Variants in RXFP2 observed in about 807,000 individuals in gnomAD.
The protein encoded by RXFP2 is relaxin family peptide receptor 2.
A neutral mutation model predicts 88.6 loss-of-function variants in RXFP2; 68 were observed. The ratio of observed to expected loss-of-function variants is 0.77; its 90% CI spans 0.63 to 0.94. The LOEUF (loss-of-function observed/expected upper bound fraction) is 0.94. Among genes scored for constraint, RXFP2 ranks in the 40% least tolerant of loss-of-function variants. The pLI is 0.00. For synonymous variants in RXFP2, 329 were observed against 306.8 expected, an observed-to-expected ratio of 1.07 and a Z score of -0.76; for missense variants, 791 against 893.9, an observed-to-expected ratio of 0.88 and a Z score of 1.47.
intron 16 of RXFP2, among the ~76,000 whole-genome samples, 173 bp from the exon 17 acceptor site, chr13:31,797,028 C>G (rs551400612): frequency 6.3e-4 from 96 of 152,318 alleles, no homozygotes; most frequent in African/African-American, 1.9e-3. Context: ...TGTGTTTAGA[C>G]TTGGGAACCA....
rs751719927 is a variant in RXFP2 at position 31,792,915 on chromosome 13, C to A, written c.1613C>A (p.Thr538Asn). 60 of 1,614,096 alleles carry A rather than the reference C, an allele frequency of 3.7e-5. No homozygotes were observed. The highest frequency in any genetic ancestry group is 4.5e-5 in the East Asian group (2 of 44,880). Residue 538 changes from threonine (T) to asparagine (N), a missense_variant, in exon 16 of 18, where the codon ACC becomes AAC. Coordinates refer to ENST00000298386, the MANE Select transcript of RXFP2 (RefSeq NM_130806.5). The stretch of plus-strand genomic sequence containing the variant: ...AACATTCGACCTGGAAAACGGCAGA[C>A]CTCAGTCATCCTCATTTGCATCTGG... ...FSNIRPGKRQ[T>N]SVILICIWMA...
intron 7 of RXFP2, among the ~76,000 whole-genome samples, chr13:31,776,886 C>T (rs1432679107): frequency 6.6e-6 from 1 of 152,192 alleles, no homozygotes; most frequent in African/African-American, 2.4e-5. Context: ...ACCCAGAAAG[C>T]TCCTTATGAA....
At chr13:31,793,402 T>C (rs1213851459) in intron 16 of RXFP2, among the ~76,000 whole-genome samples, 1 of 151,644 alleles carries the variant, frequency 6.6e-6, no homozygotes, top group Non-Finnish European at 1.5e-5. Flanking sequence ...TAGTGCCTCA[T>C]CCTGTAAACC....
chr13:31,761,667 T>C lies in RXFP2; in HGVS notation c.242-57T>C, dbSNP rs1872307129. 3 of 1,123,836 alleles carry C rather than the reference T, an allele frequency of 2.7e-6. No homozygotes were observed. In the Admixed American group the frequency reaches 5.1e-5, roughly 19 times the overall value. 69.6% of individuals were successfully genotyped at this position (1,123,836 alleles called of 1,614,324 possible). ...AAATCATTACCAAATTGTTAAATTT[T>C]GTCAGATGGTATTTAGTTTCTAGAA... is the stretch of plus-strand genomic sequence containing the variant. On this transcript the variant is annotated intron_variant, in intron 2 of 17. Coordinates refer to ENST00000298386, the MANE Select transcript of RXFP2 (RefSeq NM_130806.5).
rs1874394225 is a variant in RXFP2 at position 31,802,382 on chromosome 13, A to G, written c.2242A>G (p.Ser748Gly). The change falls in exon 18 of 18, where the codon AGT becomes GGT. Residue 748 changes from serine to glycine, a missense_variant. Physicochemically the swap from Ser to Gly is moderately conservative, Grantham distance 56. Transcript: ENST00000298386. ...TTTGAACAAAATAACACTTGGAGAC[A>G]GTATAATGAAACCAGTTTCCTAGCA... ...GVLNKITLGDSIMKPVS is the reference protein window; with the variant it reads ...GVLNKITLGDGIMKPVS 6.2e-7 allele frequency: 1 copy of G among 1,614,012 alleles called. No individual in the cohort carries two copies. Among genetic ancestry groups the G allele is most frequent in the African/African-American group, 1.3e-5 (1 of 74,944 alleles).
At chr13:31,777,224 C>T (rs1281133007) in intron 7 of RXFP2, 152 bp from the exon 8 acceptor site, 3 of 634,510 alleles carry the variant, frequency 4.7e-6, no homozygotes, top group Non-Finnish European at 8.5e-6. Flanking sequence ...AAGAGTTGCT[C>T]CAACCACAGA....
At chr13:31,748,418 C>T (rs1226353367) in intron 1 of RXFP2, among the ~76,000 whole-genome samples, 1 of 152,178 alleles carries the variant, frequency 6.6e-6, no homozygotes, top group African/African-American at 2.4e-5. Flanking sequence ...TTTTAAATTA[C>T]ACCCATACTA....
At chr13:31,758,161 G>T in intron 1 of RXFP2, 97 bp from the exon 2 acceptor site, 1 of 1,184,952 alleles carries the variant, frequency 8.4e-7, no homozygotes, top group South Asian at 1.2e-5. Flanking sequence ...AATACCAGAT[G>T]AACTCAACTC....
chr13:31,754,960 G>T (rs2138397809), intron 1 of RXFP2, among the ~76,000 whole-genome samples: 1 of 152,190 alleles, frequency 6.6e-6, no homozygotes, highest in Non-Finnish European at 1.5e-5. Context: ...TTCTTACATT[G>T]TATGGAAATT....
rs1462306058 is a variant in RXFP2, at chr13:31,765,984, C to T, written c.454C>T (p.Leu152Phe). 6.5e-7 allele frequency: 1 copy of T among 1,547,974 alleles called. No individual in the cohort carries two copies. Among genetic ancestry groups the T allele is most frequent in the Admixed American group, 1.7e-5 (1 of 59,612 alleles). The part of the protein sequence containing the change: ...LSLKKNKIHS[L>F]PDKVFIKYTK... ...TCTTAAGAAAAACAAAATCCACAGT[C>T]TTCCAGATAAAGTTTTCATCAAATA... is the stretch of plus-strand genomic sequence containing the variant. Residue 152 changes from leucine to phenylalanine, a missense_variant, in exon 5 of 18, where the codon CTT becomes TTT. Coordinates refer to ENST00000298386, the MANE Select transcript of RXFP2 (RefSeq NM_130806.5).
At chr13:31,789,885 G>A (rs988126856) in intron 14 of RXFP2, among the ~76,000 whole-genome samples, 2 of 152,142 alleles carry the variant, frequency 1.3e-5, no homozygotes, top group Non-Finnish European at 2.9e-5. Context: ...GTTTATGTCT[G>A]TGCAGTAGGT....
intron 1 of RXFP2, among the ~76,000 whole-genome samples, chr13:31,751,809 T>G (rs1212864402): frequency 6.6e-6 from 1 of 152,146 alleles, no homozygotes; most frequent in African/African-American, 2.4e-5. Flanking sequence ...TCTTCTCCCC[T>G]TCACCCACCA....
chr13:31,772,006 A>G (rs1285950447), intron 5 of RXFP2, among the ~76,000 whole-genome samples: 1 of 93,178 alleles, frequency 1.1e-5, no homozygotes, highest in African/African-American at 4.2e-5. Flanking sequence ...TGCCAGATGA[A>G]TGTGTTGCTT....
intron 1 of RXFP2, among the ~76,000 whole-genome samples, chr13:31,741,686 TACAGGCACTA>T (rs1464976710): frequency 6.6e-6 from 1 of 152,242 alleles, no homozygotes; most frequent in African/African-American, 2.4e-5. Flanking sequence ...TGCCTTAAGC[TACAGGCACTA>T]ACAGACAACT....
intron 5 of RXFP2, among the ~76,000 whole-genome samples, chr13:31,770,890 T>A (rs1337834251): frequency 2.0e-5 from 3 of 152,118 alleles, no homozygotes; most frequent in Admixed American, 1.3e-4. Context: ...GACTAATGAG[T>A]ATTTGCTGAA....
At chr13:31,789,340 C>T in intron 14 of RXFP2, 147 bp downstream of exon 14, 1 of 674,766 alleles carries the variant, frequency 1.5e-6, no homozygotes, top group South Asian at 1.6e-5. Context: ...CCTTTGGTCC[C>T]TGTTCAAATA....
At chr13:31,797,538 T>C (rs1411265748) in intron 17 of RXFP2, 119 bp downstream of exon 17, 1 of 766,880 alleles carries the variant, frequency 1.3e-6, no homozygotes, top group Non-Finnish European at 2.2e-6. Flanking sequence ...ACAAAGTTAT[T>C]TCCCTCCATG....
intron 16 of RXFP2, among the ~76,000 whole-genome samples, chr13:31,793,858 C>T (rs1484691756): frequency 6.6e-6 from 1 of 152,166 alleles, no homozygotes; most frequent in Non-Finnish European, 1.5e-5. Flanking sequence ...TTTGCTTCTG[C>T]TTCTGCTCCT....
intron 1 of RXFP2, among the ~76,000 whole-genome samples, chr13:31,747,912 A>G (rs1566212615): frequency 6.6e-6 from 1 of 152,232 alleles, no homozygotes; most frequent in Non-Finnish European, 1.5e-5. Context: ...AAATACAGAG[A>G]ACAGAACATG....
Sources: allele counts gnomAD v4.1 joint callset (sites outside exome capture counted in the v4.1 genomes callset), GRCh38; gene constraint gnomAD v4.1.1; transcripts MANE v1.5; gene names NCBI Gene and HGNC (gene_info 2026-07-23, HGNC 2026-07-21).